Variants in DLG2 observed in about 807,000 individuals in gnomAD.
DLG2 encodes the protein disks large homolog 2.
DLG2 carries 45 observed loss-of-function variants against 132.5 expected under a neutral mutation model. That is an observed-to-expected ratio of 0.34 (90% confidence interval 0.27 to 0.44). The LOEUF (loss-of-function observed/expected upper bound fraction) is 0.44. DLG2 is among the 20% of genes least tolerant of loss of function. The probability of loss-of-function intolerance (pLI) is 1.00; values close to 1 mark genes in which losing one functional copy is unlikely to be tolerated. For synonymous variants in DLG2, 424 were observed against 419.6 expected, an observed-to-expected ratio of 1.01 and a Z score of -0.13; for missense variants, 1,045 against 1,196.9, an observed-to-expected ratio of 0.87 and a Z score of 1.87.
chr11:84,429,178 T>C (rs1005870126), intron 7 of DLG2, among the ~76,000 whole-genome samples: 3 of 152,350 alleles, frequency 2.0e-5, no homozygotes, highest in Admixed American at 6.5e-5. Flanking sequence ...CTTTTGTGTA[T>C]AGTCATTTGG....
intron 9 of DLG2, among the ~76,000 whole-genome samples, chr11:84,121,155 T>C (rs1360447055): frequency 6.6e-6 from 1 of 152,240 alleles, no homozygotes; most frequent in African/African-American, 2.4e-5. Context: ...CTCACTTTAC[T>C]GGGTTCTCAT....
rs2089160577 is a variant in DLG2 at position 83,457,260 on chromosome 11, G to A, written c.*2558C>T. ...TAACTTTCATGCCATTTCCATACAA[G>A]TCATCAGATTTGCTGCAAAATACAC... On this transcript the variant is annotated 3_prime_UTR_variant, in exon 28 of 28. Coordinates refer to ENST00000376104, the MANE Select transcript of DLG2 (RefSeq NM_001142699.3). 1 of 152,502 alleles carries A rather than the reference G, an allele frequency of 6.6e-6. No homozygotes were observed. The highest frequency in any genetic ancestry group is 6.5e-5 in the Admixed American group (1 of 15,268). 9.4% of individuals were successfully genotyped at this position (152,502 alleles called of 1,614,324 possible).
At chr11:84,015,374 C>T (rs2095117639) in intron 11 of DLG2, among the ~76,000 whole-genome samples, 1 of 152,000 alleles carries the variant, frequency 6.6e-6, no homozygotes, top group African/African-American at 2.4e-5. Flanking sequence ...TTTGTTTAAA[C>T]TTCCAACTTT....
At chr11:85,496,178 G>C (rs1338986353) in intron 3 of DLG2, among the ~76,000 whole-genome samples, 1 of 152,106 alleles carries the variant, frequency 6.6e-6, no homozygotes, top group Non-Finnish European at 1.5e-5. Flanking sequence ...GTACCTGGAG[G>C]AACAGTATAC....
chr11:84,210,204 A>C (rs1410841143), intron 8 of DLG2, among the ~76,000 whole-genome samples: 1 of 151,850 alleles, frequency 6.6e-6, no homozygotes, highest in Non-Finnish European at 1.5e-5. Context: ...AATTGCTTGA[A>C]CCTGGGAGGT....
chr11:85,537,324 G>A (rs1009982818), intron 3 of DLG2, among the ~76,000 whole-genome samples: 1 of 152,192 alleles, frequency 6.6e-6, no homozygotes, highest in Non-Finnish European at 1.5e-5. Flanking sequence ...ACTGGCTCAG[G>A]TCACTTTCCA....
At chr11:84,690,742 C>A (rs979590224) in intron 6 of DLG2, among the ~76,000 whole-genome samples, 19 of 151,792 alleles carry the variant, frequency 1.3e-4, no homozygotes, top group African/African-American at 4.6e-4. Context: ...TTTAAGGAAG[C>A]TGTGTTTCAG....
chr11:84,902,081 T>A (rs1256885404), intron 6 of DLG2, among the ~76,000 whole-genome samples: 2 of 152,164 alleles, frequency 1.3e-5, no homozygotes, highest in Non-Finnish European at 2.9e-5. Flanking sequence ...TAAGCTAACC[T>A]TGTTAATGAA....
chr11:84,726,550 T>C (rs183715205), intron 6 of DLG2, among the ~76,000 whole-genome samples: 210 of 152,316 alleles, frequency 1.4e-3, no homozygotes, highest in Non-Finnish European at 2.7e-3. Flanking sequence ...TCTTTGCTCT[T>C]GTGAATAGTG....
chr11:83,946,002 T>C (rs887664965), intron 14 of DLG2, among the ~76,000 whole-genome samples: 5 of 148,944 alleles, frequency 3.4e-5, no homozygotes, highest in Admixed American at 2.0e-4. Context: ...TCTTTTTTTT[T>C]TTTTTTTGAC....
chr11:84,424,030 G>A (rs1237738305), intron 7 of DLG2, among the ~76,000 whole-genome samples: 1 of 152,138 alleles, frequency 6.6e-6, no homozygotes, highest in Non-Finnish European at 1.5e-5. Flanking sequence ...TAGGGAGACA[G>A]AAGTCTATTA....
chr11:84,452,300 G>A (rs1239582514), intron 7 of DLG2, among the ~76,000 whole-genome samples: 1 of 151,766 alleles, frequency 6.6e-6, no homozygotes, highest in African/African-American at 2.4e-5. Context: ...GAGCTAGACA[G>A]GTAGGTGAAG....
intron 6 of DLG2, among the ~76,000 whole-genome samples, chr11:84,735,775 G>T (rs1339758112): frequency 6.6e-6 from 1 of 151,916 alleles, no homozygotes; most frequent in Non-Finnish European, 1.5e-5. Context: ...TGGGCATTTA[G>T]TGCTATAAAT....
chr11:83,989,466 G>T (rs530808540), intron 11 of DLG2, among the ~76,000 whole-genome samples: 31 of 152,166 alleles, frequency 2.0e-4, no homozygotes, highest in Non-Finnish European at 4.1e-4. Context: ...GGCATAATCT[G>T]TCTGGTTTGG....
At chr11:84,909,208 C>T (rs2091841677) in intron 6 of DLG2, among the ~76,000 whole-genome samples, 6 of 152,172 alleles carry the variant, frequency 3.9e-5, no homozygotes, top group Admixed American at 3.9e-4. Context: ...AGCTAAGCTA[C>T]AAAACCGTTC....
chr11:84,533,567 A>C (rs1202386045), intron 7 of DLG2, among the ~76,000 whole-genome samples: 1 of 152,222 alleles, frequency 6.6e-6, no homozygotes, highest in African/African-American at 2.4e-5. Flanking sequence ...AATATGTTTG[A>C]AATGTTCCAA....
intron 3 of DLG2, among the ~76,000 whole-genome samples, chr11:85,404,146 C>T (rs1398893122): frequency 9.2e-5 from 14 of 151,826 alleles, no homozygotes; most frequent in Admixed American, 7.9e-4. Flanking sequence ...GTAGGATCCA[C>T]GTTATGATAC....
chr11:84,572,054 T>C, intron 6 of DLG2, among the ~76,000 whole-genome samples: 1 of 152,010 alleles, frequency 6.6e-6, no homozygotes, highest in East Asian at 1.9e-4. Context: ...TAGATTTTTT[T>C]TTTTTATTTT....
intron 3 of DLG2, among the ~76,000 whole-genome samples, chr11:85,322,760 T>C (rs1277885485): frequency 1.3e-5 from 2 of 152,162 alleles, no homozygotes; most frequent in East Asian, 3.9e-4. Context: ...CCTCCCTCTC[T>C]GCCACTTCCC....
Sources: allele counts gnomAD v4.1 joint callset (sites outside exome capture counted in the v4.1 genomes callset), GRCh38; gene constraint gnomAD v4.1.1; transcripts MANE v1.5; gene names NCBI Gene and HGNC (gene_info 2026-07-23, HGNC 2026-07-21).